Variants in PZP observed in about 807,000 individuals in gnomAD.
PZP encodes the protein PZP alpha-2-macroglobulin like, also known as pregnancy zone protein.
In PZP, 150 loss-of-function variants were observed where a neutral mutation model predicts 179.8. The observed-to-expected ratio is 0.83, with a 90% CI of 0.73 to 0.96. The LOEUF (loss-of-function observed/expected upper bound fraction) is 0.96, where lower values mean the gene tolerates loss of function less well. Among genes scored for constraint, PZP ranks in the 40% least tolerant of loss-of-function variants. The pLI is 0.00. For missense variants in PZP, 1,689 were observed against 1,764.0 expected, an observed-to-expected ratio of 0.96 and a Z score of 0.76; for synonymous variants, 624 against 652.3, an observed-to-expected ratio of 0.96 and a Z score of 0.66.
chr12:9,154,816 G>T lies in PZP; in HGVS notation c.3574C>A (p.Pro1192Thr). The change falls in exon 29 of 36, where the codon CCT (proline) becomes ACT (threonine). Residue 1192 changes from proline to threonine, a missense_variant. By Grantham distance (38) the Pro-to-Thr change is conservative. This residue lies in a region of PZP where 746 missense variants were observed against 749.2 expected (regional missense o/e 1.00). Coordinates refer to ENST00000261336, the MANE Select transcript of PZP (RefSeq NM_002864.3). ...KEDNLVHWERPQRPKAPVGHL... is the reference protein window; with the variant it reads ...KEDNLVHWERTQRPKAPVGHL... Reference sequence around the variant, plus strand: ...CCCACTGGTGCCTTGGGTCTCTGAGGGCGCTCCCAATGGACGAGGTTGTCT... The same window carrying T: ...CCCACTGGTGCCTTGGGTCTCTGAGTGCGCTCCCAATGGACGAGGTTGTCT... 1.9e-6 allele frequency: 3 copies of T among 1,614,112 alleles called. No homozygotes were observed. Among genetic ancestry groups the T allele is most frequent in the Non-Finnish European group, 2.5e-6 (3 of 1,180,012 alleles).
At chr12:9,163,022 C>T (rs1212812900) in intron 21 of PZP, among the ~76,000 whole-genome samples, 3 of 152,046 alleles carry the variant, frequency 2.0e-5, no homozygotes, top group Non-Finnish European at 4.4e-5. Flanking sequence ...TAAGTGAGAA[C>T]ATAACATCCT....
rs796052146 is a variant in PZP, at chr12:9,192,235, C to T, written c.1504G>A (p.Val502Ile). ...HYLIMAKGVIVRSGTHTLPVE... is the reference protein window; with the variant it reads ...HYLIMAKGVIIRSGTHTLPVE... ...GGCAGAGTGTGGGTTCCAGATCTGA[C>T]GATGACTCCCTTAGCCATGATCTGA... Residue 502 changes from valine to isoleucine, a missense_variant, in exon 13 of 36, where the codon GTC becomes ATC. Physicochemically the swap from Val to Ile is conservative, Grantham distance 29 (BLOSUM62 3). Around this residue, in one of 3 missense-constraint regions of PZP, gnomAD observed 742 missense variants for 730.5 expected, o/e 1.02. Coordinates refer to ENST00000261336, the MANE Select transcript of PZP (RefSeq NM_002864.3). The T allele has an allele frequency of 1.4e-5, 22 of 1,613,832 alleles. No homozygotes were observed. The highest frequency in any genetic ancestry group is 1.7e-5 in the Admixed American group (1 of 59,998).
chr12:9,146,356 A>G (rs753602571), downstream of PZP, among the ~76,000 whole-genome samples: 1 of 151,382 alleles, frequency 6.6e-6, no homozygotes, highest in African/African-American at 2.4e-5. Flanking sequence ...CAGCTCAATG[A>G]TTTCTGCTTG....
intron 1 of PZP, among the ~76,000 whole-genome samples, chr12:9,204,773 G>A (rs1160200544): frequency 1.3e-5 from 2 of 152,034 alleles, no homozygotes; most frequent in Non-Finnish European, 2.9e-5. Flanking sequence ...TCACATGGGT[G>A]GATAGGTTAT....
Position 9,192,179 on chromosome 12 carries a change from CTG to C in PZP, c.1546+12_1546+13del, listed in dbSNP as rs760426069. The C allele has an allele frequency of 6.2e-7, 1 of 1,606,430 alleles. No individual in the cohort carries two copies. Among genetic ancestry groups the C allele is most frequent in the South Asian group, 1.1e-5 (1 of 90,866 alleles). ...GTTAGGGGAGCAAGGAGAGATGAAT[CTG>C]AGGATACTCACTGTCTCCTGACTCC... On this transcript the variant is annotated intron_variant, in intron 13 of 35. Transcript: ENST00000261336.
intron 1 of PZP, among the ~76,000 whole-genome samples, chr12:9,206,400 T>A (rs1944442716): frequency 6.6e-6 from 1 of 152,146 alleles, no homozygotes; most frequent in South Asian, 2.1e-4. Context: ...GATATTGAAA[T>A]CAGAACAAAT....
At chr12:9,169,828 A>G (rs1489545260) in intron 15 of PZP, 2 of 361,950 alleles carry the variant, frequency 5.5e-6, no homozygotes, top group Non-Finnish European at 9.7e-6. Context: ...GTTATGAAGG[A>G]TTAATTAAAA....
chr12:9,150,621 T>C (rs745481598), intron 34 of PZP, 23 bp downstream of exon 34: 1 of 1,480,632 alleles, frequency 6.8e-7, no homozygotes, highest in South Asian at 1.2e-5. Context: ...TGGTTAAGAT[T>C]GTTTCATTTT....
intron 21 of PZP, 67 bp from the exon 22 acceptor site, chr12:9,162,715 T>C (rs1941295384): frequency 1.6e-6 from 2 of 1,261,472 alleles, no homozygotes; most frequent in Non-Finnish European, 2.3e-6. Flanking sequence ...CCACATGGAT[T>C]CCTTTCTTTG....
intron 14 of PZP, among the ~76,000 whole-genome samples, chr12:9,181,772 AT>A (rs888266452): frequency 6.6e-6 from 1 of 152,098 alleles, no homozygotes; most frequent in African/African-American, 2.4e-5. Context: ...CACAAAACTG[AT>A]TGTATTTTAT....
At chr12:9,189,975 T>C (rs1467374894) in intron 13 of PZP, among the ~76,000 whole-genome samples, 1 of 152,030 alleles carries the variant, frequency 6.6e-6, no homozygotes, top group Non-Finnish European at 1.5e-5. Context: ...ATGGCTATTA[T>C]TAAGAGTCAA....
intron 6 of PZP, 24 bp downstream of exon 6, chr12:9,200,867 CT>C (rs1288672587): frequency 1.3e-6 from 2 of 1,591,848 alleles, no homozygotes; most frequent in Admixed American, 1.8e-5. Flanking sequence ...AATGTTATGC[CT>C]TTTTCATCTT....
At chr12:9,160,582 T>A in intron 23 of PZP, 92 bp from the exon 24 acceptor site, 1 of 1,164,502 alleles carries the variant, frequency 8.6e-7, no homozygotes, top group Non-Finnish European at 1.2e-6. Flanking sequence ...TCAGAGTCTA[T>A]CATTTAGGTA....
At chr12:9,183,144 AATACCCT>A (rs1191798298) in intron 13 of PZP, among the ~76,000 whole-genome samples, 3 of 152,226 alleles carry the variant, frequency 2.0e-5, no homozygotes, top group Non-Finnish European at 1.5e-5. Context: ...AATTAAGTCT[AATACCCT>A]TAGGAATATT....
At chr12:9,163,392 T>C (rs1341152718) in intron 21 of PZP, among the ~76,000 whole-genome samples, 1 of 151,150 alleles carries the variant, frequency 6.6e-6, no homozygotes, top group African/African-American at 2.4e-5. Context: ...GGCAGAGCTT[T>C]CAGTGAGCCG....
At chr12:9,200,318 A>C in intron 7 of PZP, 46 bp downstream of exon 7, 1 of 1,427,764 alleles carries the variant, frequency 7.0e-7, no homozygotes, top group South Asian at 1.2e-5. Flanking sequence ...AATCCCTCAA[A>C]ATTGAGGCAA....
chr12:9,165,958 C>T, intron 18 of PZP, 94 bp downstream of exon 18: 1 of 1,446,894 alleles, frequency 6.9e-7, no homozygotes, highest in South Asian at 1.4e-5. Flanking sequence ...GATAATTATT[C>T]AGAACTTTTC....
chr12:9,141,372 C>G, the PZP span, among the ~76,000 whole-genome samples: 2 of 152,098 alleles, frequency 1.3e-5, no homozygotes, highest in African/African-American at 4.8e-5. Flanking sequence ...TTTAATAGAA[C>G]CTTGTAGATA....
rs1282751017 is a variant in PZP at position 9,165,258 on chromosome 12, C to G, written c.2368G>C (p.Ala790Pro). ...AAGGGCTGGAAGGCTCGGAGAGAGG[C>G]AGTGGAAGAGATACCAAGTCCAGCA... ...EDAGLGISST[A>P]SLRAFQPFFV... is the part of the protein sequence containing the mutation. Residue 790 changes from alanine (A) to proline (P), a missense_variant, in exon 19 of 36, where the codon GCC (alanine) becomes CCC (proline). Around this residue, in one of 3 missense-constraint regions of PZP, gnomAD observed 201 missense variants for 284.2 expected, o/e 0.71. Transcript: ENST00000261336. The G allele has an allele frequency of 6.2e-7, 1 of 1,614,050 alleles. No individual in the cohort carries two copies.
Sources: allele counts gnomAD v4.1 joint callset (sites outside exome capture counted in the v4.1 genomes callset), GRCh38; gene constraint gnomAD v4.1.1; regional missense constraint gnomAD v4.1.1; transcripts MANE v1.5; gene names NCBI Gene and HGNC (gene_info 2026-07-23, HGNC 2026-07-21).